Variants in OLFM4 observed in about 807,000 individuals in gnomAD.
OLFM4 encodes the protein olfactomedin-4.
Under a neutral mutation model 25.5 loss-of-function variants are expected in OLFM4, and 22 were observed. The ratio of observed to expected loss-of-function variants is 0.86; its 90% CI spans 0.62 to 1.23. OLFM4 has a LOEUF of 1.23. Ranked by LOEUF, OLFM4 falls within the 50% of genes most tolerant of loss-of-function variation. OLFM4 has a pLI of 0.00. For missense variants in OLFM4, 594 were observed against 619.4 expected (o/e 0.96, Z 0.44); for synonymous variants, 255 against 237.7 (o/e 1.07, Z -0.67).
intron 1 of OLFM4, 27 bp from the exon 2 acceptor site, chr13:53,034,321 T>C: frequency 6.2e-7 from 1 of 1,603,844 alleles, no homozygotes; most frequent in South Asian, 1.1e-5. Flanking sequence ...AGCTTGTTAT[T>C]GATGTTCAAC....
At chr13:53,036,407 A>G (rs1954658663) in intron 2 of OLFM4, among the ~76,000 whole-genome samples, 1 of 152,228 alleles carries the variant, frequency 6.6e-6, no homozygotes, top group South Asian at 2.1e-4. Flanking sequence ...ACTGATTTAC[A>G]TGTTGTCTTT....
chr13:53,033,470 G>C (rs1181794212), intron 1 of OLFM4, among the ~76,000 whole-genome samples: 1 of 152,162 alleles, frequency 6.6e-6, no homozygotes, highest in Non-Finnish European at 1.5e-5. Context: ...CCCTCATTCT[G>C]ATGAAAAGGA....
chr13:53,043,549 G>A (rs1340209058), intron 4 of OLFM4, among the ~76,000 whole-genome samples: 1 of 151,996 alleles, frequency 6.6e-6, no homozygotes, highest in Non-Finnish European at 1.5e-5. Context: ...TTCTAACAGG[G>A]AACAAAAATC....
rs144126246 is a variant in OLFM4 at position 53,029,111 on chromosome 13, A to G, written c.204+71A>G. 2.1e-3 allele frequency: 3,377 copies of G among 1,591,690 alleles called. 7 individuals are homozygous for G. Among genetic ancestry groups the G allele is most frequent in the Middle Eastern group, 5.4e-3 (25 of 4,660 alleles). Reference sequence around the variant, plus strand: ...ATTTGCTTTTGGGTACCTGAATACAATTTCATGGATGGCTAGACCTGGGCA... The same window carrying G: ...ATTTGCTTTTGGGTACCTGAATACAGTTTCATGGATGGCTAGACCTGGGCA... On this transcript the variant is annotated intron_variant, in intron 1 of 4. Transcript: ENST00000219022.
At chr13:53,049,367 C>T in intron 4 of OLFM4, among the ~76,000 whole-genome samples, 1 of 152,014 alleles carries the variant, frequency 6.6e-6, no homozygotes, top group East Asian at 1.9e-4. Context: ...TTTAAAACAT[C>T]CTCTTCTGAG....
chr13:53,034,812 G>A (rs1352991998), intron 2 of OLFM4, among the ~76,000 whole-genome samples: 1 of 152,134 alleles, frequency 6.6e-6, no homozygotes, highest in Admixed American at 6.5e-5. Context: ...TTTTTATTTT[G>A]TTTTGACGCT....
At chr13:53,045,189 G>A (rs189130244) in intron 4 of OLFM4, among the ~76,000 whole-genome samples, 10 of 152,270 alleles carry the variant, frequency 6.6e-5, no homozygotes, top group Admixed American at 3.9e-4. Flanking sequence ...AGTATCCAGG[G>A]AAGAAAACAA....
At chr13:53,048,293 GCA>G in intron 4 of OLFM4, among the ~76,000 whole-genome samples, 1 of 152,244 alleles carries the variant, frequency 6.6e-6, no homozygotes, top group East Asian at 1.9e-4. Flanking sequence ...AATGGCACAT[GCA>G]TTATTAAAAT....
chr13:53,028,958 ACTCCAGCTCCAGCTTCAG>A lies in OLFM4; in HGVS notation c.135_152del (p.Ser45_Ser50del), dbSNP rs1401821396. ...GGCTTCAGCTCTTTCCCAGGTGTTGACTCCAGCTCCAGCTTCAGCTCCAGCTCCAGGTCGGGCTCCAGC... is the reference window on the plus strand; with the variant it reads ...GGCTTCAGCTCTTTCCCAGGTGTTGACTCCAGCTCCAGGTCGGGCTCCAGC... On this transcript the variant is annotated inframe_deletion, in exon 1 of 5. Transcript: ENST00000219022. The A allele has an allele frequency of 5.6e-6, 9 of 1,613,714 alleles. No individual in the cohort carries two copies. Among genetic ancestry groups the A allele is most frequent in the Middle Eastern group, 1.6e-4 (1 of 6,084 alleles).
Position 53,050,736 on chromosome 13 carries a change from A to T in OLFM4, c.1498A>T (p.Asn500Tyr). Residue 500 changes from asparagine to tyrosine, a missense_variant, in exon 5 of 5, where the codon AAT becomes TAT. Physicochemically the swap from Asn to Tyr is moderately radical, Grantham distance 143 (BLOSUM62 -2). Coordinates refer to ENST00000219022, the MANE Select transcript of OLFM4 (RefSeq NM_006418.5). Reference protein sequence around the residue: ...LYVYNDGYLLNYDLSVLQKPQ With the variant: ...LYVYNDGYLLYYDLSVLQKPQ ...TGTCTATAACGATGGTTACCTTCTG[A>T]ATTATGATCTTTCTGTCTTGCAGAA... 6.2e-7 allele frequency: 1 copy of T among 1,605,116 alleles called. No homozygotes were observed. Among genetic ancestry groups the T allele is most frequent in the Non-Finnish European group, 8.5e-7 (1 of 1,176,492 alleles).
chr13:53,039,937 G>A (rs906710066), intron 2 of OLFM4, among the ~76,000 whole-genome samples: 2 of 152,130 alleles, frequency 1.3e-5, no homozygotes, highest in East Asian at 3.8e-4. Flanking sequence ...TGCACAATGG[G>A]GTTAAGTGGA....
At chr13:53,031,835 C>G (rs918632159) in intron 1 of OLFM4, among the ~76,000 whole-genome samples, 2 of 152,200 alleles carry the variant, frequency 1.3e-5, no homozygotes, top group Non-Finnish European at 2.9e-5. Flanking sequence ...ATTTGCCCTA[C>G]AGAAGGGGAA....
At position 53,029,170 on chromosome 13, in the gene OLFM4, T is replaced by C. The variant is rs1954614916; in HGVS notation, c.204+130T>C. Reference sequence around the variant, plus strand: ...GATTTACGACTCATTTTGTTAACTATAGGTGCCCCGGAAATGAATTAAAGC... The same window carrying C: ...GATTTACGACTCATTTTGTTAACTACAGGTGCCCCGGAAATGAATTAAAGC... On this transcript the variant is annotated intron_variant, in intron 1 of 4. Coordinates refer to ENST00000219022, the MANE Select transcript of OLFM4 (RefSeq NM_006418.5). 8.3e-6 allele frequency: 11 copies of C among 1,320,126 alleles called. No individual in the cohort carries two copies. The South Asian group carries it at 8.5e-5, about 10-fold the overall frequency. The allele number at this position is 1,320,126 out of a possible 1,614,324, so 81.8% of individuals were successfully genotyped here. A position where few individuals can be genotyped will look rare whatever the true frequency, so the allele number is the denominator to read the frequency against.
chr13:53,050,366 T>G lies in OLFM4; in HGVS notation c.1128T>G (p.Ala376=). 8.1e-6 allele frequency: 13 copies of G among 1,614,100 alleles called. No individual in the cohort carries two copies. Among genetic ancestry groups the G allele is most frequent in the South Asian group, 1.1e-5 (1 of 91,082 alleles). Residue 376 remains alanine (A), a synonymous_variant, in exon 5 of 5, where the codon GCT becomes GCG. Transcript: ENST00000219022. ...CCTATAATAACCGCTTTTCATATGC[T>G]AATGTTGCTTGGCAAGATATTGACT... ...NAAYNNRFSY[A]NVAWQDIDFA...
chr13:53,037,963 C>T (rs1011660248), intron 2 of OLFM4, among the ~76,000 whole-genome samples: 9 of 152,182 alleles, frequency 5.9e-5, no homozygotes, highest in Non-Finnish European at 8.8e-5. Context: ...CTCAAATCAA[C>T]GCTCACACAA....
chr13:53,032,122 C>T (rs74086424), intron 1 of OLFM4, among the ~76,000 whole-genome samples: 1,673 of 152,246 alleles, frequency 0.011, 39 homozygotes, highest in African/African-American at 0.038. Flanking sequence ...CAATAGAAAC[C>T]GATGGAATGG....
In OLFM4 at chr13:53,050,098, T is replaced by G. The variant is rs765366372; in HGVS notation, c.860T>G (p.Leu287Arg). ...TCTCCCCAGCATCCAAACAAAGGAC[T>G]GTATTGGGTGGCGCCATTGAATACA... is the stretch of plus-strand genomic sequence containing the variant. The part of the protein sequence containing the change: ...DYSPQHPNKG[L>R]YWVAPLNTDG... The change falls in exon 5 of 5, where the codon CTG (leucine) becomes CGG (arginine). Residue 287 changes from leucine to arginine, a missense_variant. Physicochemically the swap from Leu to Arg is moderately radical, Grantham distance 102. Transcript: ENST00000219022. 6.2e-7 allele frequency: 1 copy of G among 1,614,044 alleles called. No homozygotes were observed. Among genetic ancestry groups the G allele is most frequent in the East Asian group, 2.2e-5 (1 of 44,868 alleles).
chr13:53,038,706 G>A (rs1428266588), intron 2 of OLFM4, among the ~76,000 whole-genome samples: 2 of 152,254 alleles, frequency 1.3e-5, no homozygotes, highest in African/African-American at 2.4e-5. Flanking sequence ...TGGGACTGGA[G>A]GCTCCCAGGC....
At chr13:53,048,766 C>A (rs887844659) in intron 4 of OLFM4, among the ~76,000 whole-genome samples, 1 of 152,138 alleles carries the variant, frequency 6.6e-6, no homozygotes, top group African/African-American at 2.4e-5. Context: ...GGTTCTGCTC[C>A]TTTCCTGTCT....
Sources: allele counts gnomAD v4.1 joint callset (sites outside exome capture counted in the v4.1 genomes callset), GRCh38; gene constraint gnomAD v4.1.1; transcripts MANE v1.5; gene names NCBI Gene and HGNC (gene_info 2026-07-23, HGNC 2026-07-21).